The following PCDH10 variants were observed in gnomAD, a reference collection of about 807,000 sequenced individuals.
PCDH10 encodes the protein protocadherin-10.
A neutral mutation model predicts 74.4 loss-of-function variants in PCDH10; 15 were observed. The observed-to-expected ratio is 0.20, with a 90% CI of 0.13 to 0.31. The LOEUF (loss-of-function observed/expected upper bound fraction) is 0.31. PCDH10 is among the 10% of genes least tolerant of loss of function. PCDH10 has a pLI of 1.00. For synonymous variants in PCDH10, 619 were observed against 589.8 expected, an observed-to-expected ratio of 1.05 and a Z score of -0.72; for missense variants, 1,260 against 1,390.2, an observed-to-expected ratio of 0.91 and a Z score of 1.49.
At chr4:133,176,196 A>C (rs533399409) in intron 4 of PCDH10, among the ~76,000 whole-genome samples, 1 of 152,134 alleles carries the variant, frequency 6.6e-6, no homozygotes, top group Non-Finnish European at 1.5e-5. Context: ...TTTATGAGTG[A>C]CCTTTGTACA....
intron 4 of PCDH10, among the ~76,000 whole-genome samples, chr4:133,169,712 A>C (rs1309604763): frequency 1.3e-5 from 2 of 151,932 alleles, no homozygotes; most frequent in African/African-American, 4.8e-5. Context: ...TATGAGTCAA[A>C]ATTTGAATGT....
chr4:133,152,826 C>T, intron 1 of PCDH10, 55 bp downstream of exon 1: 1 of 1,608,590 alleles, frequency 6.2e-7, no homozygotes, highest in East Asian at 2.2e-5. Flanking sequence ...AGAAAGCCTC[C>T]TCTAGCCCGG....
At chr4:133,153,049 T>C in intron 1 of PCDH10, 6 of 1,392,814 alleles carry the variant, frequency 4.3e-6, no homozygotes, top group Non-Finnish European at 5.6e-6. Flanking sequence ...TGTCAGTCCT[T>C]TCCCTTCTCA....
chr4:133,173,919 G>A (rs1290552868), intron 4 of PCDH10, among the ~76,000 whole-genome samples: 1 of 151,748 alleles, frequency 6.6e-6, no homozygotes, highest in Non-Finnish European at 1.5e-5. Context: ...TAAAAAGTAT[G>A]CATCATAACT....
chr4:133,201,582 C>T (rs997476945), intron 2 of PCDH10, among the ~76,000 whole-genome samples: 1 of 151,926 alleles, frequency 6.6e-6, no homozygotes, highest in Non-Finnish European at 1.5e-5. Context: ...TTGTGCTAGG[C>T]GGGGTGGCTC....
chr4:133,207,835 G>C (rs1408543250), intron 2 of PCDH10, among the ~76,000 whole-genome samples: 2 of 152,082 alleles, frequency 1.3e-5, no homozygotes, highest in African/African-American at 4.8e-5. Context: ...TAACATGACT[G>C]TGTTTATGTA....
intron 4 of PCDH10, among the ~76,000 whole-genome samples, chr4:133,181,527 A>G (rs538231975): frequency 3.0e-4 from 45 of 152,210 alleles, no homozygotes; most frequent in Non-Finnish European, 6.2e-4. Context: ...TGGGACGTAC[A>G]GCTACTAAAA....
intron 4 of PCDH10, among the ~76,000 whole-genome samples, chr4:133,171,350 C>A (rs1269473420): frequency 6.6e-6 from 1 of 152,070 alleles, no homozygotes; most frequent in Admixed American, 6.6e-5. Context: ...ATGTTTTCAT[C>A]ATATTTTTCA....
Position 133,151,077 on chromosome 4 carries a change from A to G in PCDH10, c.937A>G (p.Ser313Gly), listed in dbSNP as rs747730119. Residue 313 changes from serine (S) to glycine (G), a missense_variant, in exon 1 of 5, where the codon AGC becomes GGC. This residue lies in a region of PCDH10 where 192 missense variants were observed against 161.2 expected (regional missense o/e 1.19). Coordinates refer to ENST00000264360, the MANE Select transcript of PCDH10 (RefSeq NM_032961.3). Reference sequence around the variant, plus strand: ...GCCGCGCACTGGCAGACTGGAGGTAAGCGGCGAGTTGGACTATGAAGAGAG... The same window carrying G: ...GCCGCGCACTGGCAGACTGGAGGTAGGCGGCGAGTTGGACTATGAAGAGAG... ...LSPRTGRLEV[S>G]GELDYEESPV... is the part of the protein sequence containing the mutation. 1 of 1,614,114 alleles carries G rather than the reference A, an allele frequency of 6.2e-7. No individual in the cohort carries two copies. Among genetic ancestry groups the G allele is most frequent in the Admixed American group, 1.7e-5 (1 of 60,028 alleles).
At chr4:133,180,175 A>C (rs1727384760) in intron 4 of PCDH10, among the ~76,000 whole-genome samples, 1 of 151,994 alleles carries the variant, frequency 6.6e-6, no homozygotes, top group African/African-American at 2.4e-5. Flanking sequence ...TAATTTCACT[A>C]AGCTATTTTC....
intron 3 of PCDH10, among the ~76,000 whole-genome samples, chr4:133,160,215 T>A (rs1158777567): frequency 6.6e-6 from 1 of 151,964 alleles, no homozygotes; most frequent in Non-Finnish European, 1.5e-5. Context: ...TCAATAATAC[T>A]GGTGAAACAT....
At chr4:133,197,552 C>T (rs1285895335), downstream of PCDH10, among the ~76,000 whole-genome samples, 2 of 152,126 alleles carry the variant, frequency 1.3e-5, no homozygotes, top group Non-Finnish European at 2.9e-5. Flanking sequence ...TGTAACTTAA[C>T]TGACATTTCT....
intron 2 of PCDH10, among the ~76,000 whole-genome samples, chr4:133,202,078 A>T (rs574066230): frequency 6.6e-6 from 1 of 152,182 alleles, no homozygotes; most frequent in African/African-American, 2.4e-5. Context: ...TCTTTGTGAT[A>T]AGTAGATTGC....
At chr4:133,170,677 T>G (rs2125866321) in intron 4 of PCDH10, among the ~76,000 whole-genome samples, 1 of 144,662 alleles carries the variant, frequency 6.9e-6, no homozygotes, top group East Asian at 2.0e-4. Context: ...TCAATTCATT[T>G]TAGTGTATTC....
intron 4 of PCDH10, among the ~76,000 whole-genome samples, chr4:133,170,020 T>C (rs1000160622): frequency 1.3e-5 from 2 of 152,074 alleles, no homozygotes; most frequent in Non-Finnish European, 2.9e-5. Context: ...TTTAGGTTTG[T>C]ATTGAGTTTC....
intron 4 of PCDH10, among the ~76,000 whole-genome samples, chr4:133,164,223 A>G (rs945957454): frequency 1.3e-5 from 2 of 152,046 alleles, no homozygotes; most frequent in Non-Finnish European, 2.9e-5. Flanking sequence ...AAAGACAGGA[A>G]ATATTGAGAT....
chr4:133,165,052 T>A (rs1274423830), intron 4 of PCDH10, among the ~76,000 whole-genome samples: 1 of 147,778 alleles, frequency 6.8e-6, no homozygotes, highest in Non-Finnish European at 1.5e-5. Flanking sequence ...CAACATATAT[T>A]CATATATATA....
rs1046311532 is a variant in PCDH10 at position 133,191,911 on chromosome 4, A to G, written c.*1751A>G. On this transcript the variant is annotated 3_prime_UTR_variant, in exon 5 of 5. Coordinates refer to ENST00000264360, the MANE Select transcript of PCDH10 (RefSeq NM_032961.3). ...TGACAAATGTTCTTCATCAAATTTTATGTAACTTAAGTGGAAATTTTTCCC... is the reference window on the plus strand; with the variant it reads ...TGACAAATGTTCTTCATCAAATTTTGTGTAACTTAAGTGGAAATTTTTCCC... The G allele has an allele frequency of 6.6e-6, 1 of 151,364 alleles. No individual in the cohort carries two copies. The allele number at this position is 151,364 out of a possible 1,614,324, so 9.4% of individuals were successfully genotyped here.
At chr4:133,187,441 A>G (rs1727566629) in intron 4 of PCDH10, among the ~76,000 whole-genome samples, 1 of 152,116 alleles carries the variant, frequency 6.6e-6, no homozygotes, top group African/African-American at 2.4e-5. Flanking sequence ...CCTCACAGAC[A>G]CTGAGGGATA....
Sources: gnomAD v4.1 joint callset for allele counts (sites outside exome capture counted in the v4.1 genomes callset) on GRCh38, gnomAD v4.1.1 for gene constraint, gnomAD v4.1.1 regional missense constraint, MANE v1.5 for transcripts, NCBI Gene and HGNC (gene_info 2026-07-23, HGNC 2026-07-21) for gene names.